Variants in DLG1 observed in about 807,000 individuals in gnomAD.
DLG1 encodes the protein disks large homolog 1.
A neutral mutation model predicts 123.4 loss-of-function variants in DLG1; 42 were observed. The ratio of observed to expected loss-of-function variants is 0.34; its 90% confidence interval spans 0.27 to 0.44. The LOEUF (loss-of-function observed/expected upper bound fraction) is 0.44, where lower values mean the gene tolerates loss of function less well. Ranked by LOEUF, DLG1 falls within the 20% of genes least tolerant of loss-of-function variation. The pLI is 1.00. For missense variants in DLG1, 942 were observed against 1,082.6 expected, an observed-to-expected ratio of 0.87 and a Z score of 1.82; for synonymous variants, 317 against 356.2, an observed-to-expected ratio of 0.89 and a Z score of 1.24.
At chr3:197,203,884 G>A (rs930116948) in intron 4 of DLG1, among the ~76,000 whole-genome samples, 2 of 152,216 alleles carry the variant, frequency 1.3e-5, no homozygotes, top group East Asian at 3.8e-4. Context: ...AATAGGGCTG[G>A]TGGGGGCCCA....
At chr3:197,063,899 T>C (rs1251881324) in intron 22 of DLG1, among the ~76,000 whole-genome samples, 2 of 151,908 alleles carry the variant, frequency 1.3e-5, no homozygotes, top group East Asian at 1.9e-4. Flanking sequence ...AGGGGAGAAA[T>C]TGAATTTAGA....
At chr3:197,154,127 C>T (rs1162285417) in intron 5 of DLG1, among the ~76,000 whole-genome samples, 1 of 151,450 alleles carries the variant, frequency 6.6e-6, no homozygotes, top group African/African-American at 2.4e-5. Context: ...ATACTGAAAC[C>T]CTGTCTCTAC....
intron 4 of DLG1, among the ~76,000 whole-genome samples, chr3:197,213,079 A>C (rs1289840242): frequency 2.0e-5 from 3 of 152,202 alleles, no homozygotes; most frequent in African/African-American, 7.2e-5. Flanking sequence ...ATCAAAGAGA[A>C]ATAAAAATAT....
intron 18 of DLG1, among the ~76,000 whole-genome samples, chr3:197,075,267 A>C (rs1179599763): frequency 6.6e-6 from 1 of 150,806 alleles, no homozygotes; most frequent in Admixed American, 6.6e-5. Flanking sequence ...ATCTTAGCTA[A>C]AGGAAAAACA....
rs140508268 is a variant in DLG1, at chr3:197,103,111, C to A, written c.1546+1792G>T. ...CTAAATTTGTGCCATCACAAACATT[C>A]TCAACATTCCATATTTTAACTCTTC... On this transcript the variant is annotated intron_variant, in intron 14 of 24. Transcript: ENST00000667157. Among the ~76,000 whole-genome samples, 787 of 152,300 alleles carry A rather than the reference C, an allele frequency of 5.2e-3. 7 individuals carry two copies. Among genetic ancestry groups the A allele is most frequent in the African/African-American group, 0.018 (742 of 41,550 alleles).
At chr3:197,288,362 C>CAAAA (rs1290725400) in intron 3 of DLG1, among the ~76,000 whole-genome samples, 47 of 45,498 alleles carry the variant, frequency 1.0e-3, no homozygotes, top group African/African-American at 3.0e-3. Flanking sequence ...GACTCCGTCT[C>CAAAA]AAAAAAAAAA....
At chr3:197,235,390 A>C (rs1422750697) in intron 4 of DLG1, among the ~76,000 whole-genome samples, 1 of 152,246 alleles carries the variant, frequency 6.6e-6, no homozygotes, top group East Asian at 1.9e-4. Context: ...CAACACGTGA[A>C]CAGCATAAAA....
intron 5 of DLG1, among the ~76,000 whole-genome samples, chr3:197,155,912 G>A (rs1402993356): frequency 1.3e-5 from 2 of 152,146 alleles, no homozygotes; most frequent in Non-Finnish European, 2.9e-5. Context: ...TGGCACCACT[G>A]CACTCCAGCC....
intron 14 of DLG1, among the ~76,000 whole-genome samples, chr3:197,101,943 GA>G (rs1338703266): frequency 6.6e-6 from 1 of 152,070 alleles, no homozygotes; most frequent in African/African-American, 2.4e-5. Flanking sequence ...TTTTAGCAGA[GA>G]CAAGATCTTG....
At chr3:197,057,417 T>C (rs944092459) in intron 23 of DLG1, among the ~76,000 whole-genome samples, 1 of 152,210 alleles carries the variant, frequency 6.6e-6, no homozygotes, top group Non-Finnish European at 1.5e-5. Context: ...TCATCACGCT[T>C]GTACCTGTCT....
chr3:197,179,601 T>C (rs530565473), intron 5 of DLG1, among the ~76,000 whole-genome samples: 215 of 152,306 alleles, frequency 1.4e-3, no homozygotes, highest in Non-Finnish European at 2.6e-3. Context: ...AGTTAAATGA[T>C]ATAAAAATAA....
At chr3:197,075,329 A>G (rs1746499964) in intron 18 of DLG1, among the ~76,000 whole-genome samples, 1 of 137,848 alleles carries the variant, frequency 7.3e-6, no homozygotes, top group Non-Finnish European at 1.7e-5. Context: ...AAAAAAAAAA[A>G]AAAAAAAAAA....
chr3:197,222,057 G>GA (rs1365374949), intron 4 of DLG1, among the ~76,000 whole-genome samples: 6 of 152,082 alleles, frequency 3.9e-5, no homozygotes, highest in East Asian at 1.9e-4. Context: ...AAAATGACAA[G>GA]AAAAAATGTC....
At chr3:197,106,157 G>A (rs1356028274) in intron 13 of DLG1, among the ~76,000 whole-genome samples, 1 of 152,220 alleles carries the variant, frequency 6.6e-6, no homozygotes, top group African/African-American at 2.4e-5. Context: ...TGTTATCCCA[G>A]CACTTTGGGA....
chr3:197,271,011 GA>G (rs1196984697), intron 4 of DLG1, among the ~76,000 whole-genome samples: 25 of 152,160 alleles, frequency 1.6e-4, no homozygotes, highest in African/African-American at 5.5e-4. Flanking sequence ...TAAAGGGGGG[GA>G]AAAGAAGATA....
chr3:197,050,956 A>G (rs1727196015), intron 24 of DLG1, among the ~76,000 whole-genome samples: 2 of 152,260 alleles, frequency 1.3e-5, no homozygotes, highest in South Asian at 2.1e-4. Context: ...ATCAAAATTT[A>G]TAAAGGATAA....
At chr3:197,176,008 TTC>T (rs756550095) in intron 5 of DLG1, among the ~76,000 whole-genome samples, 51 of 152,124 alleles carry the variant, frequency 3.4e-4, no homozygotes, top group South Asian at 6.2e-4. Context: ...CCTGTGAAAC[TTC>T]TTTTTGCCTA....
At chr3:197,149,137 T>G (rs1792632055) in intron 6 of DLG1, among the ~76,000 whole-genome samples, 1 of 152,186 alleles carries the variant, frequency 6.6e-6, no homozygotes, top group Non-Finnish European at 1.5e-5. Context: ...TGTGCCATCA[T>G]CATTACTTTC....
At chr3:197,157,601 A>G (rs1796933359) in intron 5 of DLG1, among the ~76,000 whole-genome samples, 1 of 152,204 alleles carries the variant, frequency 6.6e-6, no homozygotes, top group Non-Finnish European at 1.5e-5. Context: ...TTACTATTGC[A>G]AAAATGTCAA....
Sources: gnomAD v4.1 joint callset for allele counts (sites outside exome capture counted in the v4.1 genomes callset) on GRCh38, gnomAD v4.1.1 for gene constraint, MANE v1.5 for transcripts, NCBI Gene and HGNC (gene_info 2026-07-23, HGNC 2026-07-21) for gene names.